The following SLC9C2 variants were observed in gnomAD, a reference collection of about 807,000 sequenced individuals.
SLC9C2 encodes the protein sodium/hydrogen exchanger 11.
In SLC9C2, 75 loss-of-function variants were observed where a neutral mutation model predicts 140.2. The ratio of observed to expected loss-of-function variants is 0.53; its 90% CI spans 0.44 to 0.65. The LOEUF is 0.65. Ranked by LOEUF, SLC9C2 falls within the 30% of genes least tolerant of loss-of-function variation. The pLI is 0.00. For synonymous variants in SLC9C2, 375 were observed against 420.9 expected (o/e 0.89, Z 1.34); for missense variants, 1,074 against 1,331.8 (o/e 0.81, Z 3.01).
intron 15 of SLC9C2, among the ~76,000 whole-genome samples, chr1:173,535,221 G>A (rs1661855898): frequency 6.6e-6 from 1 of 152,060 alleles, no homozygotes; most frequent in African/African-American, 2.4e-5. Context: ...AAAGGTTAAT[G>A]ACCTCTTAAA....
At chr1:173,531,373 A>G (rs532349955) in intron 17 of SLC9C2, among the ~76,000 whole-genome samples, 7 of 152,320 alleles carry the variant, frequency 4.6e-5, no homozygotes, top group African/African-American at 1.4e-4. Flanking sequence ...TGGTGGGATC[A>G]GGGGAAAGCA....
In SLC9C2 at chr1:173,530,073, G is replaced by GAA; in HGVS notation, c.2164-21_2164-20dup. The GAA allele has an allele frequency of 6.5e-7, 1 of 1,546,038 alleles. No individual in the cohort carries two copies. Among genetic ancestry groups the GAA allele is most frequent in the Admixed American group, 2.2e-5 (1 of 45,276 alleles). ...CTATTATCTGGAATAATGAGAAGAAGAAAAAAAAACCTGTACATTTGATGA... is the reference window on the plus strand; with the variant it reads ...CTATTATCTGGAATAATGAGAAGAAGAAAAAAAAAAACCTGTACATTTGATGA... On this transcript the variant is annotated intron_variant, in intron 17 of 27. Coordinates refer to ENST00000367714, the MANE Select transcript of SLC9C2 (RefSeq NM_178527.4).
intron 16 of SLC9C2, 63 bp from the exon 17 acceptor site, chr1:173,533,860 A>T: frequency 6.8e-7 from 1 of 1,470,358 alleles, no homozygotes; most frequent in Non-Finnish European, 9.0e-7. Context: ...GAAGAAATCT[A>T]TAAAATTAAC....
chr1:173,522,221 C>CA lies in SLC9C2; in HGVS notation c.2641-823dup, dbSNP rs57184360. The stretch of plus-strand genomic sequence containing the variant: ...TGGGCGACAGAGTGAGACTCCATCT[C>CA]AAAAAAAAAAAAATGCAGAAAAGCC... On this transcript the variant is annotated intron_variant, in intron 21 of 27. Coordinates refer to ENST00000367714, the MANE Select transcript of SLC9C2 (RefSeq NM_178527.4). Among the ~76,000 whole-genome samples, 188 of 139,390 alleles carry CA rather than the reference C, an allele frequency of 1.3e-3. 1 individual carries two copies. Among genetic ancestry groups the CA allele is most frequent in the South Asian group, 9.1e-3 (40 of 4,378 alleles). The allele number at this position is 139,390 out of a possible 152,430, so 91.4% of individuals were successfully genotyped here. A position where few individuals can be genotyped will look rare whatever the true frequency, so the allele number is the denominator to read the frequency against.
chr1:173,505,046 G>A (rs1006975653), intron 26 of SLC9C2, among the ~76,000 whole-genome samples: 1 of 152,156 alleles, frequency 6.6e-6, no homozygotes, highest in African/African-American at 2.4e-5. Flanking sequence ...AGAGGAAGGA[G>A]CCACCTGGAT....
At position 173,574,451 on chromosome 1, in the gene SLC9C2, G is replaced by A. The variant is rs76776074; in HGVS notation, c.903-1126C>T. On this transcript the variant is annotated intron_variant, in intron 8 of 27. Coordinates refer to ENST00000367714, the MANE Select transcript of SLC9C2 (RefSeq NM_178527.4). Reference sequence around the variant, plus strand: ...TTGAGTGAGGGGACCTCAAACCCCAGTGCATAGTTTTCAAAAAATTCAGAA... The same window carrying A: ...TTGAGTGAGGGGACCTCAAACCCCAATGCATAGTTTTCAAAAAATTCAGAA... Among the ~76,000 whole-genome samples the A allele has an allele frequency of 4.0e-3, 599 of 151,444 alleles. 37 individuals are homozygous for A. In the East Asian group the frequency reaches 0.11, roughly 27 times the overall value.
intron 10 of SLC9C2, 115 bp downstream of exon 10, chr1:173,557,225 G>A (rs1423283380): frequency 7.4e-6 from 7 of 952,378 alleles, no homozygotes; most frequent in Non-Finnish European, 1.1e-5. Flanking sequence ...TTAAAAGAAT[G>A]CATTTTAAAA....
At chr1:173,600,992 G>A (rs994573685) in intron 2 of SLC9C2, among the ~76,000 whole-genome samples, 1 of 152,184 alleles carries the variant, frequency 6.6e-6, no homozygotes, top group Non-Finnish European at 1.5e-5. Flanking sequence ...AAGCATCTGT[G>A]TGTTGAATAT....
chr1:173,526,840 G>C (rs1661237672), intron 18 of SLC9C2, 126 bp from the exon 19 acceptor site: 1 of 697,082 alleles, frequency 1.4e-6, no homozygotes, highest in African/African-American at 1.8e-5. Flanking sequence ...TATAGTTCTG[G>C]CTTTCCTTTT....
Position 173,534,590 on chromosome 1 carries a change from G to A in SLC9C2, c.1868C>T (p.Pro623Leu). 6.3e-7 allele frequency: 1 copy of A among 1,591,392 alleles called. No homozygotes were observed. Among genetic ancestry groups the A allele is most frequent in the Non-Finnish European group, 8.5e-7 (1 of 1,170,486 alleles). The change falls in exon 16 of 28, where the codon CCT (proline) becomes CTT (leucine). Residue 623 changes from proline (P) to leucine (L), a missense_variant. Coordinates refer to ENST00000367714, the MANE Select transcript of SLC9C2 (RefSeq NM_178527.4). Reference protein sequence around the residue: ...GQIINLIYIYPMIIHLWPMAR... With the variant: ...GQIINLIYIYLMIIHLWPMAR... ...CATTGGCCACAGATGTATTATCATA[G>A]GATAAATATATATCAAATTTATAAT... is the stretch of plus-strand genomic sequence containing the variant.
intron 10 of SLC9C2, among the ~76,000 whole-genome samples, chr1:173,555,642 A>G (rs913882409): frequency 7.2e-5 from 11 of 152,214 alleles, no homozygotes; most frequent in Non-Finnish European, 1.0e-4. Flanking sequence ...CTTGCATAAA[A>G]GAGAATCGGA....
chr1:173,526,553 G>T, intron 19 of SLC9C2, 110 bp downstream of exon 19: 1 of 976,880 alleles, frequency 1.0e-6, no homozygotes, highest in Non-Finnish European at 1.6e-6. Flanking sequence ...AATGCTTGTT[G>T]AATGCATAAA....
intron 9 of SLC9C2, among the ~76,000 whole-genome samples, chr1:173,560,423 C>T (rs1664030672): frequency 2.0e-5 from 3 of 152,338 alleles, no homozygotes; most frequent in East Asian, 1.9e-4. Context: ...GTTGTTGCCT[C>T]TCAAGGGATA....
At chr1:173,587,587 T>A in intron 5 of SLC9C2, 78 bp downstream of exon 5, 1 of 1,357,346 alleles carries the variant, frequency 7.4e-7, no homozygotes. Flanking sequence ...GCACAATTCA[T>A]GCAAGAAAAA....
Position 173,517,577 on chromosome 1 carries a change from C to T in SLC9C2, c.2867G>A (p.Arg956His), listed in dbSNP as rs147272652. 2.5e-4 allele frequency: 410 copies of T among 1,612,792 alleles called. No individual in the cohort carries two copies. The highest frequency in any genetic ancestry group is 3.1e-4 in the Non-Finnish European group (363 of 1,179,674). The change falls in exon 23 of 28, where the codon CGT (arginine) becomes CAT (histidine). Residue 956 changes from arginine (R) to histidine (H), a missense_variant. Coordinates refer to ENST00000367714, the MANE Select transcript of SLC9C2 (RefSeq NM_178527.4). ...IIGELSCLLK[R>H]EIEYTVICET... ...ACAGATGACGGTATATTCAATTTCA[C>T]GCTTAAGCAGACAGCTTAGCTCTCC... is the stretch of plus-strand genomic sequence containing the variant.
In SLC9C2 at chr1:173,534,520, ATAG is replaced by A; in HGVS notation, c.1935_1937del (p.Tyr646del). 1 of 1,587,254 alleles carries A rather than the reference ATAG, an allele frequency of 6.3e-7. No homozygotes were observed. The highest frequency in any genetic ancestry group is 8.5e-7 in the Non-Finnish European group (1 of 1,170,618). Reference sequence around the variant, plus strand: ...ATTCTAATACATATAAAAACATAAAATAGTAGTTTATTGATATCAGTGCTGATA... The same window carrying A: ...ATTCTAATACATATAAAAACATAAAATAGTTTATTGATATCAGTGCTGATA... On this transcript the variant is annotated inframe_deletion, in exon 16 of 28. Coordinates refer to ENST00000367714, the MANE Select transcript of SLC9C2 (RefSeq NM_178527.4).
At chr1:173,550,491 T>G (rs1663200410) in intron 11 of SLC9C2, among the ~76,000 whole-genome samples, 1 of 150,000 alleles carries the variant, frequency 6.7e-6, no homozygotes, top group Non-Finnish European at 1.5e-5. Context: ...CAGGCTGGAG[T>G]GCAGTGGTGC....
chr1:173,543,278 C>G (rs1052678678), intron 13 of SLC9C2, among the ~76,000 whole-genome samples: 1 of 152,082 alleles, frequency 6.6e-6, no homozygotes, highest in Admixed American at 6.5e-5. Flanking sequence ...AATAAAATAC[C>G]TAGGAATCCA....
At chr1:173,513,340 A>G (rs1465592151) in intron 23 of SLC9C2, among the ~76,000 whole-genome samples, 1 of 152,118 alleles carries the variant, frequency 6.6e-6, no homozygotes, top group African/African-American at 2.4e-5. Flanking sequence ...TCAATTTCAG[A>G]ACTAATTTTT....
Sources: allele counts gnomAD v4.1 joint callset (sites outside exome capture counted in the v4.1 genomes callset), GRCh38; gene constraint gnomAD v4.1.1; transcripts MANE v1.5; gene names NCBI Gene and HGNC (gene_info 2026-07-23, HGNC 2026-07-21).